The following ATE1 variants were observed in gnomAD, a reference collection of about 807,000 sequenced individuals.
ATE1 encodes the protein arginyltransferase 1, also known as arginyl-tRNA--protein transferase 1.
In ATE1, 36 loss-of-function variants were observed where a neutral mutation model predicts 70.5. That is an observed-to-expected ratio of 0.51 (90% CI 0.39 to 0.67). The LOEUF (loss-of-function observed/expected upper bound fraction) is 0.67. Ranked by LOEUF, ATE1 falls within the 30% of genes least tolerant of loss-of-function variation. ATE1 has a pLI of 0.00. For missense variants in ATE1, 593 were observed against 629.5 expected (o/e 0.94, Z 0.62); for synonymous variants, 232 against 219.3 (o/e 1.06, Z -0.51).
At chr10:121,751,390 A>T (rs1944572673) in intron 11 of ATE1, among the ~76,000 whole-genome samples, 1 of 152,164 alleles carries the variant, frequency 6.6e-6, no homozygotes, top group Admixed American at 6.5e-5. Flanking sequence ...GAACTGCCAG[A>T]CTGTTTTCCC....
rs1350865857 is a variant in ATE1 at position 121,742,262 on chromosome 10, C to G, written c.*1418G>C. On this transcript the variant is annotated 3_prime_UTR_variant, in exon 12 of 12. Transcript: ENST00000224652. ...TCATTGTTTTATGATCCTTTTTATT[C>G]TAGTTAGCTGAGGATATTTTCAAAT... The G allele has an allele frequency of 6.6e-6, 1 of 152,154 alleles. No individual in the cohort carries two copies. Among genetic ancestry groups the G allele is most frequent in the African/African-American group, 2.4e-5 (1 of 41,446 alleles). The allele number at this position is 152,154 out of a possible 1,614,324, so 9.4% of individuals were successfully genotyped here.
intron 11 of ATE1, among the ~76,000 whole-genome samples, chr10:121,749,236 T>G (rs2135695735): frequency 6.6e-6 from 1 of 152,316 alleles, no homozygotes; most frequent in African/African-American, 2.4e-5. Flanking sequence ...TCAGGTAAGA[T>G]TTTATCTAAT....
chr10:121,902,623 A>G lies in ATE1; in HGVS notation c.584-3T>C. The G allele has an allele frequency of 1.3e-6, 2 of 1,590,144 alleles. No homozygotes were observed. Among genetic ancestry groups the G allele is most frequent in the Non-Finnish European group, 1.7e-6 (2 of 1,168,130 alleles). Reference sequence around the variant, plus strand: ...CTTACTCAAATCAGCCCCTTTGCCTAAAAAGAATTTTAAAATATTAGACCA... The same window carrying G: ...CTTACTCAAATCAGCCCCTTTGCCTGAAAAGAATTTTAAAATATTAGACCA... On this transcript the variant is annotated splice_polypyrimidine_tract_variant and splice_region_variant and intron_variant, in intron 5 of 11. Transcript: ENST00000224652.
chr10:121,836,611 C>T, intron 10 of ATE1, 107 bp downstream of exon 10: 1 of 641,786 alleles, frequency 1.6e-6, no homozygotes, highest in Non-Finnish European at 2.6e-6. Flanking sequence ...CCTATTAACC[C>T]ATTCGTCCTT....
chr10:121,898,958 T>G, intron 7 of ATE1: 1 of 1,613,508 alleles, frequency 6.2e-7, no homozygotes, highest in Non-Finnish European at 8.5e-7. Flanking sequence ...AGGAGACAGG[T>G]ACTAACCTCA....
chr10:121,819,772 A>G lies in ATE1; in HGVS notation c.1257+16946T>C, dbSNP rs554581498. 9.9e-5 allele frequency among the ~76,000 whole-genome samples: 15 copies of G among 151,756 alleles called. No individual in the cohort carries two copies. In the South Asian group the frequency reaches 1.9e-3, roughly 19 times the overall value. On this transcript the variant is annotated intron_variant, in intron 10 of 11. Coordinates refer to ENST00000224652, the MANE Select transcript of ATE1 (RefSeq NM_001001976.3). ...CACCAAAATCTCAGAAATCACCACT[A>G]AAGGATTTATTCATGTAACCAAATA...
chr10:121,927,981 G>C lies in ATE1; in HGVS notation c.-32C>G. The C allele has an allele frequency of 6.9e-7, 1 of 1,458,674 alleles. No individual in the cohort carries two copies. The highest frequency in any genetic ancestry group is 2.5e-4 in the Middle Eastern group (1 of 4,052). 90.4% of individuals were successfully genotyped at this position (1,458,674 alleles called of 1,614,324 possible). A position where few individuals can be genotyped will look rare whatever the true frequency, so the allele number is the denominator to read the frequency against. ...GGCCCCGCGAACGCTCAGCCGCCCG[G>C]CCCCGCGTCGCTAGCGCGGCCGCCG... is the stretch of plus-strand genomic sequence containing the variant. On this transcript the variant is annotated 5_prime_UTR_variant, in exon 1 of 12. Transcript: ENST00000224652.
intron 10 of ATE1, among the ~76,000 whole-genome samples, chr10:121,795,020 G>A (rs1946608072): frequency 6.6e-6 from 1 of 152,178 alleles, no homozygotes; most frequent in African/African-American, 2.4e-5. Flanking sequence ...GGCCGAGGCA[G>A]GCAGATCACT....
At chr10:121,852,409 T>TA (rs932686951) in intron 8 of ATE1, among the ~76,000 whole-genome samples, 90 of 152,296 alleles carry the variant, frequency 5.9e-4, no homozygotes, top group Non-Finnish European at 1.2e-3. Context: ...CTTTTTTATT[T>TA]TTTTTTAACA....
At chr10:121,764,794 G>T (rs879227603) in intron 11 of ATE1, among the ~76,000 whole-genome samples, 3 of 152,166 alleles carry the variant, frequency 2.0e-5, no homozygotes, top group Admixed American at 2.0e-4. Flanking sequence ...ACATTTACTG[G>T]AATGTGCTGT....
intron 5 of ATE1, among the ~76,000 whole-genome samples, chr10:121,905,987 A>G (rs1035978760): frequency 6.6e-6 from 1 of 152,234 alleles, no homozygotes; most frequent in African/African-American, 2.4e-5. Flanking sequence ...CAGAGGTTCA[A>G]AGCAACTCAA....
At position 121,743,489 on chromosome 10, in the gene ATE1, A is replaced by T. The variant is rs1002752246; in HGVS notation, c.*191T>A. The T allele has an allele frequency of 1.7e-6, 2 of 1,189,944 alleles. No homozygotes were observed. Among genetic ancestry groups the T allele is most frequent in the Non-Finnish European group, 2.1e-6 (2 of 934,794 alleles). The allele number at this position is 1,189,944 out of a possible 1,614,324, so 73.7% of individuals were successfully genotyped here. On this transcript the variant is annotated 3_prime_UTR_variant, in exon 12 of 12. Coordinates refer to ENST00000224652, the MANE Select transcript of ATE1 (RefSeq NM_001001976.3). ...GGGGGCTAGGTCATAATGCAGTTTT[A>T]AAATCTTTATATTAACTATGAGATT...
rs181367957 is a variant in ATE1 at position 121,924,540 on chromosome 10, A to C, written c.107-211T>G. On this transcript the variant is annotated intron_variant, in intron 1 of 11. Transcript: ENST00000224652. Reference sequence around the variant, plus strand: ...ATGGTGAAACCCCATCTCTACTAAAAATACAAAAATTTAGCTGGGCATAGT... The same window carrying C: ...ATGGTGAAACCCCATCTCTACTAAACATACAAAAATTTAGCTGGGCATAGT... 2.8e-3 allele frequency among the ~76,000 whole-genome samples: 433 copies of C among 152,142 alleles called. 2 individuals carry two copies. Among genetic ancestry groups the C allele is most frequent in the Non-Finnish European group, 4.2e-3 (288 of 68,006 alleles).
In ATE1 at chr10:121,874,623, T is replaced by C. The variant is rs1028889087; in HGVS notation, c.943-4585A>G. On this transcript the variant is annotated intron_variant, in intron 7 of 11. Coordinates refer to ENST00000224652, the MANE Select transcript of ATE1 (RefSeq NM_001001976.3). Reference sequence around the variant, plus strand: ...TTTTTATAGCTATTCTCTATCCCAATTGCAAGCAACGTAGCAGAAAGGATT... The same window carrying C: ...TTTTTATAGCTATTCTCTATCCCAACTGCAAGCAACGTAGCAGAAAGGATT... Among the ~76,000 whole-genome samples, 16 of 152,182 alleles carry C rather than the reference T, an allele frequency of 1.1e-4. 1 individual carries two copies. The highest frequency in any genetic ancestry group is 2.4e-4 in the African/African-American group (10 of 41,436).
intron 9 of ATE1, among the ~76,000 whole-genome samples, chr10:121,838,297 C>T (rs1332611148): frequency 6.6e-6 from 1 of 151,648 alleles, no homozygotes; most frequent in Non-Finnish European, 1.5e-5. Flanking sequence ...TGCTATTCCA[C>T]CTGCGTCCTT....
At chr10:121,745,810 C>A (rs546372320) in intron 11 of ATE1, among the ~76,000 whole-genome samples, 1 of 152,226 alleles carries the variant, frequency 6.6e-6, no homozygotes, top group East Asian at 1.9e-4. Flanking sequence ...TTTATGGCAA[C>A]ACTCTCTCTT....
rs771100093 is a variant in ATE1 at position 121,869,958 on chromosome 10, G to A, written c.975+48C>T. On this transcript the variant is annotated intron_variant, in intron 8 of 11. Coordinates refer to ENST00000224652, the MANE Select transcript of ATE1 (RefSeq NM_001001976.3). ...ATGCCTAATGAAAGATATCAACAAT[G>A]GTGTTCAATTACCAATTCTAATATT... The A allele has an allele frequency of 2.0e-6, 3 of 1,498,306 alleles. No individual in the cohort carries two copies. The Admixed American group carries it at 5.1e-5, about 25-fold the overall frequency. The allele number at this position is 1,498,306 out of a possible 1,614,324, so 92.8% of individuals were successfully genotyped here.
In ATE1 at chr10:121,902,457, G is replaced by T. The variant is rs1380134889; in HGVS notation, c.747C>A (p.Asn249Lys). The T allele has an allele frequency of 6.2e-7, 1 of 1,614,202 alleles. No individual in the cohort carries two copies. ...PSLFPPKAKS[N>K]QPKSLEDLIF... ...TTAAATCTTCGAGTGATTTTGGCTG[G>T]TTGGATTTAGCCTTTGGTGGAAACA... The change falls in exon 6 of 12, where the codon AAC (asparagine) becomes AAA (lysine). Residue 249 changes from asparagine to lysine, a missense_variant. Asn to Lys is a moderately conservative substitution (Grantham distance 94). This residue lies in a region of ATE1 where 467 missense variants were observed against 469.6 expected (regional missense o/e 0.99). Coordinates refer to ENST00000224652, the MANE Select transcript of ATE1 (RefSeq NM_001001976.3).
chr10:121,757,438 C>T (rs909239309), intron 11 of ATE1, among the ~76,000 whole-genome samples: 1 of 152,168 alleles, frequency 6.6e-6, no homozygotes, highest in Non-Finnish European at 1.5e-5. Context: ...AGCAGTACCC[C>T]ACTCCTGGTA....
Sources: gnomAD v4.1 joint callset for allele counts (sites outside exome capture counted in the v4.1 genomes callset) on GRCh38, gnomAD v4.1.1 for gene constraint, gnomAD v4.1.1 regional missense constraint, MANE v1.5 for transcripts, NCBI Gene and HGNC (gene_info 2026-07-23, HGNC 2026-07-21) for gene names.